Variants in PRDM16 observed in about 807,000 individuals in gnomAD.
The protein encoded by PRDM16 is PR/SET domain 16, also known as histone-lysine N-methyltransferase PRDM16.
A neutral mutation model predicts 110.6 loss-of-function variants in PRDM16; 23 were observed. The ratio of observed to expected loss-of-function variants is 0.21; its 90% CI spans 0.15 to 0.29. PRDM16 has a LOEUF of 0.29. Ranked by LOEUF, PRDM16 falls within the 10% of genes least tolerant of loss-of-function variation. PRDM16 has a pLI of 1.00. For missense variants in PRDM16, 1,615 were observed against 1,794.3 expected (o/e 0.90, Z 1.81); for synonymous variants, 799 against 781.8 (o/e 1.02, Z -0.37).
intron 4 of PRDM16, among the ~76,000 whole-genome samples, chr1:3,394,130 G>T (rs1017936227): frequency 6.6e-6 from 1 of 152,072 alleles, no homozygotes; most frequent in Non-Finnish European, 1.5e-5. Flanking sequence ...AGAGGTGGGG[G>T]AAGGGGTTTC....
intron 1 of PRDM16, among the ~76,000 whole-genome samples, chr1:3,128,945 T>C (rs377023612): frequency 6.6e-5 from 10 of 152,146 alleles, no homozygotes; most frequent in African/African-American, 1.9e-4. Flanking sequence ...TTTCTTCATC[T>C]GGGAAGTGGG....
rs1251991866 is a variant in PRDM16, at chr1:3,201,238, T to C, written c.387+14764T>C. On this transcript the variant is annotated intron_variant, in intron 2 of 16. Coordinates refer to ENST00000270722, the MANE Select transcript of PRDM16 (RefSeq NM_022114.4). The surrounding 1 kb of genome is among the most constrained non-coding windows in gnomAD (Gnocchi z 4.1). ...ACTCCATTCATATGATCATAGGAGCTGGGGGGCTGGAGACAAATGTATTTC... is the reference window on the plus strand; with the variant it reads ...ACTCCATTCATATGATCATAGGAGCCGGGGGGCTGGAGACAAATGTATTTC... Among the ~76,000 whole-genome samples the C allele has an allele frequency of 6.6e-6, 1 of 152,080 alleles. No individual in the cohort carries two copies. Among genetic ancestry groups the C allele is most frequent in the Non-Finnish European group, 1.5e-5 (1 of 68,012 alleles).
intron 1 of PRDM16, among the ~76,000 whole-genome samples, chr1:3,088,864 C>G (rs949236626): frequency 6.6e-6 from 1 of 151,708 alleles, no homozygotes; most frequent in African/African-American, 2.4e-5. Flanking sequence ...CTCACTGCAA[C>G]CTCTGCCTCC....
In PRDM16 at chr1:3,437,259, C is replaced by G. The variant is rs931881775; in HGVS notation, c.*3448C>G. The G allele has an allele frequency of 4.3e-6, 1 of 232,818 alleles. No homozygotes were observed. The highest frequency in any genetic ancestry group is 8.5e-6 in the Non-Finnish European group (1 of 117,844). The allele number at this position is 232,818 out of a possible 1,614,324, so 14.4% of individuals were successfully genotyped here. On this transcript the variant is annotated 3_prime_UTR_variant, in exon 17 of 17. Transcript: ENST00000270722. ...CCAGACCCCGACTGGCCAAGACCTC[C>G]ACGTCCCCAGAGTCCAGCCCTGGAA... is the stretch of plus-strand genomic sequence containing the variant.
chr1:3,261,759 C>T (rs1433568721), intron 3 of PRDM16, among the ~76,000 whole-genome samples: 2 of 152,166 alleles, frequency 1.3e-5, no homozygotes, highest in East Asian at 1.9e-4. Context: ...AAAGAACTGG[C>T]GTTCAGCCTG....
At chr1:3,093,501 C>A (rs1241425774) in intron 1 of PRDM16, among the ~76,000 whole-genome samples, 1 of 152,166 alleles carries the variant, frequency 6.6e-6, no homozygotes, top group African/African-American at 2.4e-5. Flanking sequence ...GGAATGAGAG[C>A]CCAAATGCCA....
intron 2 of PRDM16, among the ~76,000 whole-genome samples, chr1:3,200,048 A>G (rs1343390476): frequency 2.0e-5 from 3 of 152,252 alleles, no homozygotes; most frequent in Non-Finnish European, 4.4e-5. Context: ...GAATGCTGAG[A>G]TATCAGACTG....
intron 1 of PRDM16, among the ~76,000 whole-genome samples, chr1:3,159,029 C>G (rs1281608640): frequency 6.6e-6 from 1 of 152,232 alleles, no homozygotes; most frequent in African/African-American, 2.4e-5. Context: ...GCCTTGGCCT[C>G]CCAAATGCTG....
In PRDM16 at chr1:3,385,167, G is replaced by T; in HGVS notation, c.454G>T (p.Gly152Cys). 6.2e-7 allele frequency: 1 copy of T among 1,613,600 alleles called. No homozygotes were observed. Among genetic ancestry groups the T allele is most frequent in the East Asian group, 2.2e-5 (1 of 44,876 alleles). ...CTCCCAGCAGATCTCCGAAGACCTGGGCAGTGAGAAGTTCTGCGTGGATGC... is the reference window on the plus strand; with the variant it reads ...CTCCCAGCAGATCTCCGAAGACCTGTGCAGTGAGAAGTTCTGCGTGGATGC... Reference protein sequence around the residue: ...GCITKISEDLGSEKFCVDANQ... With the variant: ...GCITKISEDLCSEKFCVDANQ... The change falls in exon 4 of 17, where the codon GGC becomes TGC. Residue 152 changes from glycine (G) to cysteine (C), a missense_variant. Gly to Cys is a radical substitution (Grantham distance 159). Around this residue, in one of 5 missense-constraint regions of PRDM16, gnomAD observed 416 missense variants for 467.1 expected, o/e 0.89. Coordinates refer to ENST00000270722, the MANE Select transcript of PRDM16 (RefSeq NM_022114.4).
intron 2 of PRDM16, among the ~76,000 whole-genome samples, chr1:3,230,717 T>C (rs913882363): frequency 1.3e-5 from 2 of 152,160 alleles, no homozygotes; most frequent in Non-Finnish European, 2.9e-5. Flanking sequence ...CAGGATTGGG[T>C]GTTCCCAGCA....
At chr1:3,410,841 G>A (rs777728671) in intron 8 of PRDM16, among the ~76,000 whole-genome samples, 13 of 152,132 alleles carry the variant, frequency 8.5e-5, no homozygotes, top group African/African-American at 2.7e-4. Flanking sequence ...CGCTTTCCCC[G>A]TGCCCCGCCC....
chr1:3,306,502 CACAG>C (rs920464678), intron 3 of PRDM16: 3 of 152,196 alleles, frequency 2.0e-5, no homozygotes, highest in African/African-American at 7.2e-5. Context: ...GCCACGTGGA[CACAG>C]ACAGACTTTT....
Position 3,208,119 on chromosome 1 carries a change from C to G in PRDM16, c.387+21645C>G, listed in dbSNP as rs1408043971. The G allele has an allele frequency of 6.6e-6, 1 of 152,506 alleles. No homozygotes were observed. Among genetic ancestry groups the G allele is most frequent in the Non-Finnish European group, 1.5e-5 (1 of 68,290 alleles). The allele number at this position is 152,506 out of a possible 1,614,324, so 9.4% of individuals were successfully genotyped here. A position where few individuals can be genotyped will look rare whatever the true frequency, so the allele number is the denominator to read the frequency against. On this transcript the variant is annotated intron_variant, in intron 2 of 16. Transcript: ENST00000270722. The surrounding 1 kb of genome is among the most constrained non-coding windows in gnomAD (Gnocchi z 6.1). Reference sequence around the variant, plus strand: ...CAAGCCAGCACCTGCCCCGGCACCTCTGCATCCACATGGCAGCTCCGTCTA... The same window carrying G: ...CAAGCCAGCACCTGCCCCGGCACCTGTGCATCCACATGGCAGCTCCGTCTA...
chr1:3,320,993 C>A (rs946668384), intron 3 of PRDM16, among the ~76,000 whole-genome samples: 2 of 152,234 alleles, frequency 1.3e-5, no homozygotes, highest in African/African-American at 4.8e-5. Context: ...AAACGCGTGC[C>A]CTTCCTCATG....
At chr1:3,416,049 G>A (rs1435221711) in intron 10 of PRDM16, among the ~76,000 whole-genome samples, 1 of 152,246 alleles carries the variant, frequency 6.6e-6, no homozygotes, top group Non-Finnish European at 1.5e-5. Context: ...GCCTCGCAGG[G>A]GCGGGAGAAG....
chr1:3,241,057 C>T (rs984689886), intron 2 of PRDM16, among the ~76,000 whole-genome samples: 6 of 152,224 alleles, frequency 3.9e-5, no homozygotes. Flanking sequence ...AGCGGAGCGG[C>T]GGCTCAGGCG....
At position 3,181,508 on chromosome 1, in the gene PRDM16, ACACGCAGTCTTACACAAG is replaced by A. The variant is rs1557509429; in HGVS notation, c.38-4615_38-4598del. Among the ~76,000 whole-genome samples, 29 of 102,188 alleles carry A rather than the reference ACACGCAGTCTTACACAAG, an allele frequency of 2.8e-4. 5 individuals carry two copies. Among genetic ancestry groups the A allele is most frequent in the African/African-American group, 8.9e-4 (24 of 27,034 alleles). 67.0% of individuals were successfully genotyped at this position (102,188 alleles called of 152,430 possible). A position where few individuals can be genotyped will look rare whatever the true frequency, so the allele number is the denominator to read the frequency against. The stretch of plus-strand genomic sequence containing the variant: ...CACACAGCCTTACGCATGGTCTTAC[ACACGCAGTCTTACACAAG>A]CGGTCTTACACACGGTCTTACACAC... On this transcript the variant is annotated intron_variant, in intron 1 of 16. Transcript: ENST00000270722.
intron 2 of PRDM16, among the ~76,000 whole-genome samples, chr1:3,214,657 C>T (rs1422360313): frequency 6.6e-6 from 1 of 152,238 alleles, no homozygotes; most frequent in Admixed American, 6.5e-5. Context: ...AGATACATTA[C>T]CACAATAGCA....
rs575490406 is a variant in PRDM16 at position 3,213,077 on chromosome 1, C to G, written c.387+26603C>G. ...CTCGCCCGCCTGCCGCACGCTTCCC[C>G]GGGAGGCCGAGCTCAGGAAGACGCG... On this transcript the variant is annotated intron_variant, in intron 2 of 16. Coordinates refer to ENST00000270722, the MANE Select transcript of PRDM16 (RefSeq NM_022114.4). This position sits in a 1 kb window ranked among gnomAD's most constrained non-coding sequence, Gnocchi z 5.3. Among the ~76,000 whole-genome samples, 5 of 152,200 alleles carry G rather than the reference C, an allele frequency of 3.3e-5. No homozygotes were observed. The highest frequency in any genetic ancestry group is 5.9e-5 in the Non-Finnish European group (4 of 68,028).
Sources: allele counts gnomAD v4.1 joint callset (sites outside exome capture counted in the v4.1 genomes callset), GRCh38; gene constraint gnomAD v4.1.1; regional missense constraint gnomAD v4.1.1; non-coding constraint Gnocchi (gnomAD v3.1); transcripts MANE v1.5; gene names NCBI Gene and HGNC (gene_info 2026-07-23, HGNC 2026-07-21).